SAMD4B: variants seen among roughly 807,000 people sequenced by gnomAD.
SAMD4B encodes the protein protein Smaug homolog 2.
In SAMD4B, 5 loss-of-function variants were observed where a neutral mutation model predicts 74.5. That is an observed-to-expected ratio of 0.07 (90% CI 0.04 to 0.14). The LOEUF (loss-of-function observed/expected upper bound fraction) is 0.14. SAMD4B is among the 10% of genes least tolerant of loss of function. The probability of loss-of-function intolerance (pLI) is 1.00; values close to 1 mark genes in which losing one functional copy is unlikely to be tolerated. For missense variants in SAMD4B, 608 were observed against 921.8 expected, an observed-to-expected ratio of 0.66 and a Z score of 4.41; for synonymous variants, 373 against 374.9, an observed-to-expected ratio of 1.00 and a Z score of 0.06.
downstream of SAMD4B, chr19:39,388,282 C>T (rs1395364042): frequency 7.5e-6 from 12 of 1,596,926 alleles, no homozygotes; most frequent in Non-Finnish European, 8.6e-6. Context: ...CTCTTGCATG[C>T]CCCAGGGTCT....
intron 3 of SAMD4B, among the ~76,000 whole-genome samples, chr19:39,364,483 A>G (rs1163919849): frequency 2.6e-5 from 4 of 152,142 alleles, no homozygotes; most frequent in African/African-American, 4.8e-5. Flanking sequence ...TATAATCCTT[A>G]CTTTACAGAG....
downstream of SAMD4B, chr19:39,388,977 C>T (rs1227140384): frequency 6.2e-7 from 1 of 1,614,150 alleles, no homozygotes; most frequent in Non-Finnish European, 8.5e-7. Flanking sequence ...GCATGACCTC[C>T]ACCGGTGTGA....
rs771851260 is a variant in SAMD4B, at chr19:39,376,694, C to T, written c.1018-11C>T. 1 of 1,613,500 alleles carries T rather than the reference C, an allele frequency of 6.2e-7. No homozygotes were observed. On this transcript the variant is annotated splice_polypyrimidine_tract_variant and intron_variant, in intron 6 of 13. Coordinates refer to ENST00000610417, the MANE Select transcript of SAMD4B (RefSeq NM_001384574.2). The stretch of plus-strand genomic sequence containing the variant: ...TCTCTAGCTTCCTGTCCCCTTCTGC[C>T]CTTATCACAGAACGTCACCAAAGGT...
At chr19:39,369,369 C>A in intron 3 of SAMD4B, 1 of 422,442 alleles carries the variant, frequency 2.4e-6, no homozygotes. Context: ...GTCAAAACTC[C>A]CGTGCTGATC....
chr19:39,381,572 C>T (rs1403699661), intron 12 of SAMD4B, among the ~76,000 whole-genome samples: 2 of 152,154 alleles, frequency 1.3e-5, no homozygotes, highest in Non-Finnish European at 2.9e-5. Flanking sequence ...GTGGACTTCA[C>T]CTCTTAGAAC....
chr19:39,381,981 G>A (rs1000291759), intron 12 of SAMD4B, among the ~76,000 whole-genome samples: 2 of 152,162 alleles, frequency 1.3e-5, no homozygotes, highest in African/African-American at 2.4e-5. Flanking sequence ...CTTGCTAACC[G>A]CAGGTCCCTG....
chr19:39,380,535 CAGAT>C lies in SAMD4B; in HGVS notation c.1650-49_1650-46del, dbSNP rs889548534. 2.8e-5 allele frequency: 45 copies of C among 1,582,530 alleles called. No homozygotes were observed. In the African/African-American group the frequency reaches 5.4e-4, roughly 19 times the overall value. The stretch of plus-strand genomic sequence containing the variant: ...TTGGGGAAGGTGAGGAAGGGGTGGA[CAGAT>C]AGGCCCCATCTATGTAAATTAACAC... On this transcript the variant is annotated intron_variant, in intron 10 of 13. Transcript: ENST00000610417.
intron 4 of SAMD4B, among the ~76,000 whole-genome samples, chr19:39,371,697 A>G (rs552951127): frequency 1.3e-5 from 2 of 152,090 alleles, no homozygotes; most frequent in South Asian, 2.1e-4. Context: ...CATGCCTATA[A>G]TTCCAGTTAC....
chr19:39,345,994 C>T (rs1207292193), intron 1 of SAMD4B, among the ~76,000 whole-genome samples: 2 of 152,136 alleles, frequency 1.3e-5, no homozygotes, highest in Non-Finnish European at 2.9e-5. Context: ...GGTGACCTGC[C>T]TCACCCGTCC....
chr19:39,370,088 G>A lies in SAMD4B; in HGVS notation c.630G>A (p.Pro210=), dbSNP rs1409955077. Residue 210 remains proline (P), a synonymous_variant, in exon 4 of 14, where the codon CCG becomes CCA. Coordinates refer to ENST00000610417, the MANE Select transcript of SAMD4B (RefSeq NM_001384574.2). ...CCTTCCACCCATCCAGCTCAGTGCC[G>A]CCAGCCATCAACAGTATTGGGAGCA... ...HVPFHPSSSV[P]PAINSIGSNA... The A allele has an allele frequency of 1.1e-5, 18 of 1,604,956 alleles. No individual in the cohort carries two copies. The highest frequency in any genetic ancestry group is 6.8e-5 in the Admixed American group (4 of 58,814).
chr19:39,378,378 C>A lies in SAMD4B; in HGVS notation c.1445-126C>A. ...GATAACCCAAATACCATGGCTAGCACTTAATAGTTGATATTCATCCAGCCT... is the reference window on the plus strand; with the variant it reads ...GATAACCCAAATACCATGGCTAGCAATTAATAGTTGATATTCATCCAGCCT... On this transcript the variant is annotated intron_variant, in intron 8 of 13. Transcript: ENST00000610417. The surrounding 1 kb of genome is among the most constrained non-coding windows in gnomAD (Gnocchi z 4.4). 1.3e-6 allele frequency: 1 copy of A among 753,774 alleles called. No individual in the cohort carries two copies. Among genetic ancestry groups the A allele is most frequent in the Admixed American group, 2.2e-5 (1 of 45,502 alleles). The allele number at this position is 753,774 out of a possible 1,614,324, so 46.7% of individuals were successfully genotyped here. A position where few individuals can be genotyped will look rare whatever the true frequency, so the allele number is the denominator to read the frequency against.
rs1715972924 is a variant in SAMD4B, at chr19:39,385,289, G to T, written c.*1762G>T. ...GGCCACCTCGTTTGGAATCAGCAGGGTGTCCCTCTCATGGGACCCTCCCCT... is the reference window on the plus strand; with the variant it reads ...GGCCACCTCGTTTGGAATCAGCAGGTTGTCCCTCTCATGGGACCCTCCCCT... On this transcript the variant is annotated 3_prime_UTR_variant, in exon 14 of 14. Coordinates refer to ENST00000610417, the MANE Select transcript of SAMD4B (RefSeq NM_001384574.2). The T allele has an allele frequency of 5.5e-6, 2 of 364,524 alleles. No individual in the cohort carries two copies. Among genetic ancestry groups the T allele is most frequent in the Non-Finnish European group, 4.9e-6 (1 of 205,048 alleles). The allele number at this position is 364,524 out of a possible 1,614,324, so 22.6% of individuals were successfully genotyped here.
At position 39,375,616 on chromosome 19, in the gene SAMD4B, G is replaced by A; in HGVS notation, c.668-34G>A. 6.3e-7 allele frequency: 1 copy of A among 1,588,522 alleles called. No homozygotes were observed. Among genetic ancestry groups the A allele is most frequent in the Non-Finnish European group, 8.6e-7 (1 of 1,160,094 alleles). On this transcript the variant is annotated intron_variant, in intron 4 of 13. Transcript: ENST00000610417. The surrounding 1 kb of genome is among the most constrained non-coding windows in gnomAD (Gnocchi z 4.1). The stretch of plus-strand genomic sequence containing the variant: ...TGGTCTCCTGTGGTTGGGTCCCCAG[G>A]TCTAATATTTTGCTTTTCTCCCACT...
downstream of SAMD4B, chr19:39,389,832 C>T (rs1024239998): frequency 8.2e-6 from 13 of 1,589,930 alleles, no homozygotes; most frequent in Middle Eastern, 1.4e-3. This position sits in a 1 kb window ranked among gnomAD's most constrained non-coding sequence, Gnocchi z 5.3. Context: ...TTCCCAGAGG[C>T]GGAGCTTCTC....
In SAMD4B at chr19:39,375,424, C is replaced by T. The variant is rs147029528; in HGVS notation, c.668-226C>T. Among the ~76,000 whole-genome samples, 617 of 152,184 alleles carry T rather than the reference C, an allele frequency of 4.1e-3. 4 individuals carry two copies. Among genetic ancestry groups the T allele is most frequent in the African/African-American group, 0.014 (582 of 41,504 alleles). ...CAGGGGTGCTGGTGGCTTGAGCCAG[C>T]GGAACTGGAGAAATTCAGGAAAGTG... On this transcript the variant is annotated intron_variant, in intron 4 of 13. Coordinates refer to ENST00000610417, the MANE Select transcript of SAMD4B (RefSeq NM_001384574.2). This position sits in a 1 kb window ranked among gnomAD's most constrained non-coding sequence, Gnocchi z 4.1.
intron 4 of SAMD4B, among the ~76,000 whole-genome samples, chr19:39,373,010 C>G (rs746082064): frequency 1.9e-4 from 29 of 152,248 alleles, no homozygotes; most frequent in South Asian, 1.0e-3. Context: ...TAGGTGACTT[C>G]CTAGCCAGGA....
downstream of SAMD4B, chr19:39,386,896 G>T: frequency 1.2e-6 from 1 of 801,712 alleles, no homozygotes; most frequent in Non-Finnish European, 2.2e-6. This position sits in a 1 kb window ranked among gnomAD's most constrained non-coding sequence, Gnocchi z 6.1. Flanking sequence ...GTCTGACTTG[G>T]TTCCCCATCA....
chr19:39,390,188 G>A, downstream of SAMD4B: 2 of 1,611,630 alleles, frequency 1.2e-6, no homozygotes, highest in African/African-American at 1.3e-5. Flanking sequence ...CTCAAAAGTG[G>A]GCCCCCGCTG....
At chr19:39,377,426 A>C (rs1600580026) in intron 7 of SAMD4B, 59 bp from the exon 8 acceptor site, 3 of 1,353,048 alleles carry the variant, frequency 2.2e-6, no homozygotes, top group East Asian at 2.5e-5. Flanking sequence ...CTGTGTAGAT[A>C]CTCTCTGTCC....
Sources: gnomAD v4.1 joint callset for allele counts (sites outside exome capture counted in the v4.1 genomes callset) on GRCh38, gnomAD v4.1.1 for gene constraint, Gnocchi (gnomAD v3.1) non-coding constraint, MANE v1.5 for transcripts, NCBI Gene and HGNC (gene_info 2026-07-23, HGNC 2026-07-21) for gene names.